The following GRM7 variants were observed in gnomAD, a reference collection of about 807,000 sequenced individuals.
The protein encoded by GRM7 is glutamate metabotropic receptor 7.
A neutral mutation model predicts 84.5 loss-of-function variants in GRM7; 35 were observed. The observed-to-expected ratio is 0.41, with a 90% CI of 0.32 to 0.55. The LOEUF (loss-of-function observed/expected upper bound fraction) is 0.55, where lower values mean the gene tolerates loss of function less well. GRM7 is among the 20% of genes least tolerant of loss of function. The pLI is 0.19. For synonymous variants in GRM7, 487 were observed against 455.1 expected, an observed-to-expected ratio of 1.07 and a Z score of -0.89; for missense variants, 1,003 against 1,194.6, an observed-to-expected ratio of 0.84 and a Z score of 2.36.
chr3:7,740,653 C>A lies in GRM7; in HGVS notation c.*247C>A. ...GGCTGCAATTGTGGACCTTCCCTAC[C>A]AAAGGGAGTGTTGAAACTCAAGTCC... On this transcript the variant is annotated 3_prime_UTR_variant, in exon 10 of 10. Coordinates refer to ENST00000357716, the MANE Select transcript of GRM7 (RefSeq NM_000844.4). The A allele has an allele frequency of 2.7e-6, 1 of 370,388 alleles. No individual in the cohort carries two copies. Among genetic ancestry groups the A allele is most frequent in the East Asian group, 4.4e-5 (1 of 22,954 alleles). 22.9% of individuals were successfully genotyped at this position (370,388 alleles called of 1,614,324 possible). A position where few individuals can be genotyped will look rare whatever the true frequency, so the allele number is the denominator to read the frequency against.
chr3:7,020,137 G>A (rs1695724111), intron 1 of GRM7, among the ~76,000 whole-genome samples: 1 of 152,164 alleles, frequency 6.6e-6, no homozygotes, highest in Non-Finnish European at 1.5e-5. Flanking sequence ...ATGAGCCACT[G>A]CACCCTGCCA....
At chr3:7,615,763 C>G (rs1002599468) in intron 8 of GRM7, among the ~76,000 whole-genome samples, 9 of 151,942 alleles carry the variant, frequency 5.9e-5, no homozygotes, top group African/African-American at 2.2e-4. Flanking sequence ...CTCAAAATAC[C>G]AGGCTTGCCT....
chr3:7,464,478 T>C (rs765914113), intron 7 of GRM7, among the ~76,000 whole-genome samples: 3 of 152,078 alleles, frequency 2.0e-5, no homozygotes, highest in Non-Finnish European at 4.4e-5. Context: ...TTTAAATTCA[T>C]TACAAAGAGA....
At chr3:7,201,167 C>T in intron 2 of GRM7, among the ~76,000 whole-genome samples, 1 of 151,856 alleles carries the variant, frequency 6.6e-6, no homozygotes, top group East Asian at 1.9e-4. Context: ...GACAGCGTTT[C>T]ACCATGTTAG....
intron 7 of GRM7, among the ~76,000 whole-genome samples, chr3:7,470,402 G>T (rs966128287): frequency 6.6e-6 from 1 of 152,142 alleles, no homozygotes; most frequent in Non-Finnish European, 1.5e-5. Context: ...CTTTTGTGTG[G>T]AAACATGTAC....
intron 2 of GRM7, among the ~76,000 whole-genome samples, chr3:7,210,424 A>T (rs1332086040): frequency 6.6e-6 from 1 of 152,216 alleles, no homozygotes; most frequent in Non-Finnish European, 1.5e-5. Flanking sequence ...TAAAGAAAAC[A>T]CTTAATATTA....
intron 2 of GRM7, among the ~76,000 whole-genome samples, chr3:7,156,122 G>T (rs1694440640): frequency 6.6e-6 from 1 of 152,152 alleles, no homozygotes; most frequent in African/African-American, 2.4e-5. Flanking sequence ...TAGGTTGTGA[G>T]AAGACAGAAG....
intron 2 of GRM7, among the ~76,000 whole-genome samples, chr3:7,226,839 A>C (rs1438886853): frequency 6.6e-6 from 1 of 152,216 alleles, no homozygotes; most frequent in Non-Finnish European, 1.5e-5. Flanking sequence ...CATAAAAATA[A>C]AACTCTATTT....
chr3:7,448,319 C>T lies in GRM7; in HGVS notation c.1175-4288C>T, dbSNP rs138221157. ...TTCTAGTTCTAGATCCCTGAGGAAT[C>T]GCCACACTGACTTCCACAATGGCAA... On this transcript the variant is annotated intron_variant, in intron 5 of 9. Transcript: ENST00000357716. Among the ~76,000 whole-genome samples, 762 of 152,104 alleles carry T rather than the reference C, an allele frequency of 5.0e-3. 6 individuals carry two copies. The highest frequency in any genetic ancestry group is 0.017 in the African/African-American group (687 of 41,520).
intron 8 of GRM7, among the ~76,000 whole-genome samples, chr3:7,597,708 G>T (rs1696116008): frequency 6.6e-6 from 1 of 152,110 alleles, no homozygotes; most frequent in Admixed American, 6.5e-5. Flanking sequence ...GTTTCCATGA[G>T]GATAAGATCT....
intron 2 of GRM7, among the ~76,000 whole-genome samples, chr3:7,249,300 A>T (rs1013647537): frequency 1.3e-5 from 2 of 152,166 alleles, no homozygotes; most frequent in African/African-American, 4.8e-5. Context: ...AGGACCCTAG[A>T]GTATATACGT....
chr3:7,171,290 G>A (rs1041612178), intron 2 of GRM7, among the ~76,000 whole-genome samples: 3 of 151,922 alleles, frequency 2.0e-5, no homozygotes, highest in African/African-American at 4.8e-5. Flanking sequence ...GTGTCCAAAT[G>A]TCCCCCTTTT....
At chr3:7,451,171 G>T (rs1416979051) in intron 5 of GRM7, among the ~76,000 whole-genome samples, 1 of 152,172 alleles carries the variant, frequency 6.6e-6, no homozygotes. Flanking sequence ...GGGACAAGAG[G>T]TCTAGAGAGA....
chr3:7,649,332 G>A (rs539526542), intron 8 of GRM7, among the ~76,000 whole-genome samples: 1 of 152,142 alleles, frequency 6.6e-6, no homozygotes, highest in East Asian at 1.9e-4. Flanking sequence ...GCCTCCCAAA[G>A]TGCTGGGATT....
intron 4 of GRM7, among the ~76,000 whole-genome samples, chr3:7,313,006 GC>G (rs777024338): frequency 2.1e-5 from 3 of 144,796 alleles, no homozygotes; most frequent in Non-Finnish European, 4.5e-5. Flanking sequence ...TCGGCTCACT[GC>G]ACCCTCCATC....
Position 7,541,100 on chromosome 3 carries a change from T to C in GRM7, c.1516-37322T>C, listed in dbSNP as rs114216163. Among the ~76,000 whole-genome samples, 582 of 152,262 alleles carry C rather than the reference T, an allele frequency of 3.8e-3. 6 individuals carry two copies. Among genetic ancestry groups the C allele is most frequent in the African/African-American group, 0.013 (559 of 41,548 alleles). ...ATGGGGGCCAGGAAAAGTCAGGAGTTTGGCAATATTCAGGTTCTTAAATTA... is the reference window on the plus strand; with the variant it reads ...ATGGGGGCCAGGAAAAGTCAGGAGTCTGGCAATATTCAGGTTCTTAAATTA... On this transcript the variant is annotated intron_variant, in intron 7 of 9. Transcript: ENST00000357716.
intron 7 of GRM7, among the ~76,000 whole-genome samples, chr3:7,571,482 T>A (rs1332747654): frequency 6.6e-6 from 1 of 152,216 alleles, no homozygotes; most frequent in Admixed American, 6.5e-5. Flanking sequence ...GTCTCTTTGC[T>A]AAACCATAAG....
intron 2 of GRM7, among the ~76,000 whole-genome samples, chr3:7,243,167 G>A (rs1697624672): frequency 6.6e-6 from 1 of 152,132 alleles, no homozygotes; most frequent in African/African-American, 2.4e-5. Context: ...TAAGATTTAA[G>A]CACATATTTG....
intron 8 of GRM7, among the ~76,000 whole-genome samples, chr3:7,647,717 T>C (rs28551751): frequency 0.33 from 50,599 of 151,948 alleles, 9,003 homozygotes; most frequent in African/African-American, 0.45. Context: ...ACTCAAGAGA[T>C]GTGGATTTGG....
Sources: allele counts gnomAD v4.1 joint callset (sites outside exome capture counted in the v4.1 genomes callset), GRCh38; gene constraint gnomAD v4.1.1; transcripts MANE v1.5; gene names NCBI Gene and HGNC (gene_info 2026-07-23, HGNC 2026-07-21).